Variants in PBX1 observed in about 807,000 individuals in gnomAD.
PBX1 encodes PBX homeobox 1, also known as pre-B-cell leukemia transcription factor 1.
A neutral mutation model predicts 53.4 loss-of-function variants in PBX1; 6 were observed. That is an observed-to-expected ratio of 0.11 (90% CI 0.06 to 0.22). The LOEUF (loss-of-function observed/expected upper bound fraction) is 0.22, where lower values mean the gene tolerates loss of function less well. PBX1 is among the 10% of genes least tolerant of loss of function. The probability of loss-of-function intolerance (pLI) is 1.00; values close to 1 mark genes in which losing one functional copy is unlikely to be tolerated. For synonymous variants in PBX1, 204 were observed against 212.3 expected (o/e 0.96, Z 0.34); for missense variants, 251 against 551.4 (o/e 0.46, Z 5.46).
At chr1:164,714,526 A>T (rs1663981328) in intron 2 of PBX1, among the ~76,000 whole-genome samples, 1 of 151,948 alleles carries the variant, frequency 6.6e-6, no homozygotes, top group African/African-American at 2.4e-5. Flanking sequence ...GATAGGAGAG[A>T]TACCAATTAG....
At chr1:164,640,556 GTGTTTTTTT>G (rs1237088717) in intron 2 of PBX1, among the ~76,000 whole-genome samples, 813 of 30,700 alleles carry the variant, frequency 0.026, 12 homozygotes, top group African/African-American at 0.046. Context: ...TTTTTTTTTT[GTGTTTTTTT>G]TTTTTTTTTT....
intron 2 of PBX1, among the ~76,000 whole-genome samples, chr1:164,640,050 G>C (rs1659024922): frequency 6.6e-6 from 1 of 152,136 alleles, no homozygotes; most frequent in South Asian, 2.1e-4. Context: ...GGAGTAGGTA[G>C]AAAGCCGCCA....
intron 8 of PBX1, chr1:164,829,389 G>C (rs1670638275): frequency 6.6e-6 from 1 of 152,142 alleles, no homozygotes; most frequent in Non-Finnish European, 1.5e-5. Flanking sequence ...CTAGAACCAT[G>C]CTGTCCCAAT....
intron 2 of PBX1, among the ~76,000 whole-genome samples, chr1:164,875,263 C>T (rs562417616): frequency 1.3e-5 from 2 of 152,222 alleles, no homozygotes; most frequent in South Asian, 2.1e-4. Context: ...GGGATACAGA[C>T]ATAAGGGAGC....
intron 2 of PBX1, among the ~76,000 whole-genome samples, chr1:164,648,923 T>A (rs1659621658): frequency 6.6e-6 from 1 of 152,018 alleles, no homozygotes; most frequent in Non-Finnish European, 1.5e-5. Flanking sequence ...TCCAAATGAG[T>A]AATATGGGAA....
rs540712274 is a variant in PBX1, at chr1:164,715,461, T to C, written c.266-77033T>C. On this transcript the variant is annotated intron_variant, in intron 2 of 8. Transcript: ENST00000420696. ...TGAGGTTCTCAGTAGCAGGAGTTGG[T>C]GTATTCTTAGCTGCCCAAGAACCCT... is the stretch of plus-strand genomic sequence containing the variant. Among the ~76,000 whole-genome samples the C allele has an allele frequency of 3.3e-5, 5 of 152,290 alleles. No homozygotes were observed. The South Asian group carries it at 1.0e-3, about 32-fold the overall frequency.
intron 2 of PBX1, among the ~76,000 whole-genome samples, chr1:164,708,138 A>G (rs909249583): frequency 2.0e-5 from 3 of 152,196 alleles, no homozygotes; most frequent in African/African-American, 7.2e-5. Flanking sequence ...TGCAGGCCAC[A>G]GAAGCAGAGC....
chr1:164,863,162 C>A (rs1394012708), intron 2 of PBX1, among the ~76,000 whole-genome samples: 2 of 152,240 alleles, frequency 1.3e-5, no homozygotes, highest in Non-Finnish European at 2.9e-5. Context: ...CCTTCAGACA[C>A]AACAGCAATC....
chr1:164,779,796 G>T (rs139182380), intron 2 of PBX1, among the ~76,000 whole-genome samples: 1 of 152,146 alleles, frequency 6.6e-6, no homozygotes, highest in Non-Finnish European at 1.5e-5. Context: ...AGGTGCCTAC[G>T]AAGGGCCATG....
At position 164,847,754 on chromosome 1, in the gene PBX1, A is replaced by C; in HGVS notation, c.*1078A>C. 1 of 1,052,486 alleles carries C rather than the reference A, an allele frequency of 9.5e-7. No homozygotes were observed. Among genetic ancestry groups the C allele is most frequent in the Non-Finnish European group, 1.1e-6 (1 of 871,280 alleles). 65.2% of individuals were successfully genotyped at this position (1,052,486 alleles called of 1,614,324 possible). A position where few individuals can be genotyped will look rare whatever the true frequency, so the allele number is the denominator to read the frequency against. On this transcript the variant is annotated 3_prime_UTR_variant, in exon 9 of 9. Transcript: ENST00000420696. ...CCCGAGAGAGGGAATTAGTGACTCT[A>C]AGTGAAGGTCACTGACACAGAGAAG...
intron 5 of PBX1, 32 bp downstream of exon 5, chr1:164,807,709 G>T (rs753779583): frequency 3.2e-5 from 52 of 1,610,666 alleles, no homozygotes; most frequent in Non-Finnish European, 1.2e-5. Context: ...TCAGCCTGTA[G>T]CCTGGCCATG....
chr1:164,797,744 G>A (rs1233281471), intron 3 of PBX1, among the ~76,000 whole-genome samples: 7 of 152,198 alleles, frequency 4.6e-5, no homozygotes, highest in African/African-American at 1.4e-4. Flanking sequence ...AGAGATAATT[G>A]TGACATGTAC....
In PBX1 at chr1:164,847,928, A is replaced by G. The variant is rs1453396214; in HGVS notation, c.*1252A>G. ...ACCTCTGGAGCACTCAGGGAGCCCC[A>G]TACAGTACTTACAATGTCTTTAATG... On this transcript the variant is annotated 3_prime_UTR_variant, in exon 9 of 9. Transcript: ENST00000420696. 2.8e-6 allele frequency: 3 copies of G among 1,053,948 alleles called. No individual in the cohort carries two copies. Among genetic ancestry groups the G allele is most frequent in the Admixed American group, 5.5e-5 (1 of 18,322 alleles). The allele number at this position is 1,053,948 out of a possible 1,614,324, so 65.3% of individuals were successfully genotyped here.
intron 2 of PBX1, among the ~76,000 whole-genome samples, chr1:164,860,201 T>C (rs1385348740): frequency 1.3e-5 from 2 of 152,186 alleles, no homozygotes; most frequent in African/African-American, 2.4e-5. Context: ...TTATAGCTAC[T>C]CCACCTTCCC....
intron 2 of PBX1, among the ~76,000 whole-genome samples, chr1:164,779,888 A>G (rs9660749): frequency 0.26 from 39,213 of 152,126 alleles, 5,522 homozygotes; most frequent in African/African-American, 0.35. Flanking sequence ...CACAGTGAGC[A>G]GGAAAGCCAG....
chr1:164,766,738 A>ATT (rs35564181), intron 2 of PBX1, among the ~76,000 whole-genome samples: 37 of 69,268 alleles, frequency 5.3e-4, no homozygotes, highest in Non-Finnish European at 9.1e-4. Context: ...TTATTTATTT[A>ATT]TTTTTTTTTT....
chr1:164,852,340 C>T (rs1271395862), downstream of PBX1, among the ~76,000 whole-genome samples: 2 of 152,222 alleles, frequency 1.3e-5, no homozygotes, highest in Non-Finnish European at 2.9e-5. Context: ...ATGTGCATCT[C>T]TACCATCTGT....
At chr1:164,607,858 G>C (rs973421883) in intron 2 of PBX1, among the ~76,000 whole-genome samples, 2 of 152,156 alleles carry the variant, frequency 1.3e-5, no homozygotes, top group African/African-American at 4.8e-5. Context: ...AGGTTCATCC[G>C]CATCATTAGA....
At chr1:164,790,049 A>G (rs1668414271) in intron 2 of PBX1, among the ~76,000 whole-genome samples, 1 of 152,124 alleles carries the variant, frequency 6.6e-6, no homozygotes, top group African/African-American at 2.4e-5. Flanking sequence ...AAGAGAAACA[A>G]CCACATAGAG....
Sources: allele counts gnomAD v4.1 joint callset (sites outside exome capture counted in the v4.1 genomes callset), GRCh38; gene constraint gnomAD v4.1.1; transcripts MANE v1.5; gene names NCBI Gene and HGNC (gene_info 2026-07-23, HGNC 2026-07-21).